Variants in NEURL4 observed in about 807,000 individuals in gnomAD.
NEURL4 encodes the protein neuralized E3 ubiquitin protein ligase 4.
Under a neutral mutation model 148.0 loss-of-function variants are expected in NEURL4, and 45 were observed. The ratio of observed to expected loss-of-function variants is 0.30; its 90% CI spans 0.24 to 0.39. The LOEUF is 0.39. Among genes scored for constraint, NEURL4 ranks in the 10% least tolerant of loss-of-function variants. The probability of loss-of-function intolerance (pLI) is 1.00; values close to 1 mark genes in which losing one functional copy is unlikely to be tolerated. For missense variants in NEURL4, 1,776 were observed against 2,144.0 expected (o/e 0.83, Z 3.39); for synonymous variants, 854 against 869.0 (o/e 0.98, Z 0.30).
Position 7,326,818 on chromosome 17 carries a change from T to C in NEURL4, c.985A>G (p.Lys329Glu). 1 of 1,613,334 alleles carries C rather than the reference T, an allele frequency of 6.2e-7. No homozygotes were observed. The highest frequency in any genetic ancestry group is 8.5e-7 in the Non-Finnish European group (1 of 1,179,834). Residue 329 changes from lysine (K) to glutamate (E), a missense_variant, in exon 4 of 29, where the codon AAA becomes GAA. Coordinates refer to ENST00000399464, the MANE Select transcript of NEURL4 (RefSeq NM_032442.3). This position sits in a 1 kb window ranked among gnomAD's most constrained non-coding sequence, Gnocchi z 6.0. ...LFHEKCGTLI[K>E]LSNNNKTAER... ...GCCGTCTTATTATTGTTGCTGAGTTTGATGAGGGTCCCGCACTTTTCATGA... is the reference window on the plus strand; with the variant it reads ...GCCGTCTTATTATTGTTGCTGAGTTCGATGAGGGTCCCGCACTTTTCATGA...
In NEURL4 at chr17:7,323,955, G is replaced by A; in HGVS notation, c.2120C>T (p.Ser707Phe). Residue 707 changes from serine to phenylalanine, a missense_variant, in exon 12 of 29, where the codon TCT becomes TTT. Physicochemically the swap from Ser to Phe is radical, Grantham distance 155. Coordinates refer to ENST00000399464, the MANE Select transcript of NEURL4 (RefSeq NM_032442.3). Reference sequence around the variant, plus strand: ...AGAGCCCCCGGCCCCTGAGGACGGAGAGCTTGGAGACACCTGGTTGTTCCC... The same window carrying A: ...AGAGCCCCCGGCCCCTGAGGACGGAAAGCTTGGAGACACCTGGTTGTTCCC... The part of the protein sequence containing the change: ...PEGNNQVSPS[S>F]PSSGAGGSDL... 1.2e-6 allele frequency: 2 copies of A among 1,612,810 alleles called. No individual in the cohort carries two copies. Among genetic ancestry groups the A allele is most frequent in the South Asian group, 1.1e-5 (1 of 91,090 alleles).
chr17:7,328,954 T>C (rs2073137862), intron 1 of NEURL4, 77 bp downstream of exon 1: 3 of 1,373,802 alleles, frequency 2.2e-6, no homozygotes, highest in Non-Finnish European at 2.9e-6. Context: ...TGGGCTACCC[T>C]GGCTGTCCTA....
At chr17:7,323,241 G>A in intron 14 of NEURL4, 118 bp from the exon 15 acceptor site, 2 of 1,136,994 alleles carry the variant, frequency 1.8e-6, no homozygotes, top group Non-Finnish European at 2.5e-6. Context: ...TGATCTGGGT[G>A]TAAGGCCCAA....
rs1197640968 is a variant in NEURL4 at position 7,321,429 on chromosome 17, C to T, written c.3130G>A (p.Ala1044Thr). ...VGSRVGVRRGADDTMHILVDG... is the reference protein window; with the variant it reads ...VGSRVGVRRGTDDTMHILVDG... ...ACCAGGATGTGCATCGTGTCATCTG[C>T]CCCCCGACGAACACCCACACGGCTC... The change falls in exon 19 of 29, where the codon GCA (alanine) becomes ACA (threonine). Residue 1044 changes from alanine (A) to threonine (T), a missense_variant. Ala to Thr is a moderately conservative substitution (Grantham distance 58, BLOSUM62 0). Coordinates refer to ENST00000399464, the MANE Select transcript of NEURL4 (RefSeq NM_032442.3). The surrounding 1 kb of genome is among the most constrained non-coding windows in gnomAD (Gnocchi z 6.3). 3 of 1,613,924 alleles carry T rather than the reference C, an allele frequency of 1.9e-6. No individual in the cohort carries two copies. Among genetic ancestry groups the T allele is most frequent in the African/African-American group, 1.3e-5 (1 of 74,882 alleles).
intron 25 of NEURL4, 34 bp from the exon 26 acceptor site, chr17:7,317,966 G>A (rs772739856): frequency 6.2e-7 from 1 of 1,613,746 alleles, no homozygotes; most frequent in Non-Finnish European, 8.5e-7. Flanking sequence ...TTGGTGCTGT[G>A]GCTCCCACCT....
In NEURL4 at chr17:7,316,162, C is replaced by T. The variant is rs377341598; in HGVS notation, c.4650G>A (p.Gly1550=). The change falls in exon 29 of 29, where the codon GGG becomes GGA. Residue 1550 remains glycine (G), a synonymous_variant. Transcript: ENST00000399464. The part of the protein sequence containing the change: ...AELEWVTKEK[G]ATLLCALLVR... ...CCAGCAGGGCACAGAGGAGTGTGGC[C>T]CCCTTCTCCTTAGTGACCCACTCAA... 3.8e-6 allele frequency: 6 copies of T among 1,589,076 alleles called. No homozygotes were observed. The African/African-American group carries it at 6.7e-5, about 18-fold the overall frequency.
At position 7,318,282 on chromosome 17, in the gene NEURL4, T is replaced by G. The variant is rs757814423; in HGVS notation, c.3939A>C (p.Ala1313=). 2.5e-5 allele frequency: 41 copies of G among 1,614,016 alleles called. No homozygotes were observed. Among genetic ancestry groups the G allele is most frequent in the Admixed American group, 1.2e-4 (7 of 59,994 alleles). Residue 1313 remains alanine, a synonymous_variant, in exon 24 of 29, where the codon GCA becomes GCC. Coordinates refer to ENST00000399464, the MANE Select transcript of NEURL4 (RefSeq NM_032442.3). This position sits in a 1 kb window ranked among gnomAD's most constrained non-coding sequence, Gnocchi z 4.3. ...GGGCTGGCACACCGTCCACCATGTC[T>G]GCTTTCTCCATGTCCCCTTGGGTTC... The part of the protein sequence containing the change: ...SAGTQGDMEK[A]DMVDGIKESV...
Position 7,323,122 on chromosome 17 carries a change from C to T in NEURL4, c.2419G>A (p.Gly807Ser). The change falls in exon 15 of 29, where the codon GGT (glycine) becomes AGT (serine). Residue 807 changes from glycine to serine, a missense_variant and splice_region_variant. Transcript: ENST00000399464. ...TTACCGTCTTGCATGATGGCTGTAC[C>T]ACTGGGGGGATGGCAGAAGGGGTGA... is the stretch of plus-strand genomic sequence containing the variant. ...DIDYDTWMLS[G>S]TAIMQDGNTM... The T allele has an allele frequency of 6.2e-7, 1 of 1,609,558 alleles. No homozygotes were observed. Among genetic ancestry groups the T allele is most frequent in the Non-Finnish European group, 8.5e-7 (1 of 1,176,730 alleles).
intron 21 of NEURL4, among the ~76,000 whole-genome samples, chr17:7,319,643 T>C (rs2143011829): frequency 6.9e-6 from 1 of 145,502 alleles, no homozygotes; most frequent in East Asian, 2.2e-4. Context: ...GAGGTTGCGG[T>C]GAGCCGAGAT....
chr17:7,320,876 C>A lies in NEURL4; in HGVS notation c.3408G>T (p.Glu1136Asp). The A allele has an allele frequency of 6.2e-7, 1 of 1,614,076 alleles. No homozygotes were observed. The highest frequency in any genetic ancestry group is 1.1e-5 in the South Asian group (1 of 91,060). The change falls in exon 21 of 29, where the codon GAG (glutamate) becomes GAT (aspartate). Residue 1136 changes from glutamate (E) to aspartate (D), a missense_variant. Glu to Asp is a conservative substitution (Grantham distance 45). Coordinates refer to ENST00000399464, the MANE Select transcript of NEURL4 (RefSeq NM_032442.3). ...ACAAAAGGATATTCTTCCCATGGTTCTCCAGGAACTCGAGGGTGGTGGGTA... is the reference window on the plus strand; with the variant it reads ...ACAAAAGGATATTCTTCCCATGGTTATCCAGGAACTCGAGGGTGGTGGGTA... Reference protein sequence around the residue: ...GIIPTTLEFLENHGKNILLSN... With the variant: ...GIIPTTLEFLDNHGKNILLSN...
At chr17:7,319,261 TCC>T (rs1328483950) in intron 21 of NEURL4, 53 bp from the exon 22 acceptor site, 1 of 1,510,002 alleles carries the variant, frequency 6.6e-7, no homozygotes, top group African/African-American at 1.4e-5. Context: ...AGAACCAGGC[TCC>T]GCACCCCAGC....
At chr17:7,319,313 A>T in intron 21 of NEURL4, 105 bp from the exon 22 acceptor site, 2 of 800,166 alleles carry the variant, frequency 2.5e-6, no homozygotes, top group African/African-American at 1.9e-5. Flanking sequence ...GTGGCCTGGG[A>T]TGCTGCCTTT....
rs1172015572 is a variant in NEURL4 at position 7,324,955 on chromosome 17, C to T, written c.1657G>A (p.Val553Met). The part of the protein sequence containing the change: ...PHATDDFNHG[V>M]VLSSRALRDG... ...CGCAGGGCTCTGCTGCTCAGCACCA[C>T]GCCGTGATTGAAGTCATCGGTGGCA... The change falls in exon 9 of 29, where the codon GTG becomes ATG. Residue 553 changes from valine (V) to methionine (M), a missense_variant. Coordinates refer to ENST00000399464, the MANE Select transcript of NEURL4 (RefSeq NM_032442.3). The surrounding 1 kb of genome is among the most constrained non-coding windows in gnomAD (Gnocchi z 5.9). 5 of 1,614,024 alleles carry T rather than the reference C, an allele frequency of 3.1e-6. No individual in the cohort carries two copies. The highest frequency in any genetic ancestry group is 1.7e-5 in the Admixed American group (1 of 60,000).
At position 7,324,044 on chromosome 17, in the gene NEURL4, T is replaced by C. The variant is rs779431819; in HGVS notation, c.2063-32A>G. ...AAGTGGACATCACCCATCAGGTCTCTAGGTGTCTCTCAGACCTCCCAAGGC... is the reference window on the plus strand; with the variant it reads ...AAGTGGACATCACCCATCAGGTCTCCAGGTGTCTCTCAGACCTCCCAAGGC... On this transcript the variant is annotated intron_variant, in intron 11 of 28. Transcript: ENST00000399464. This position sits in a 1 kb window ranked among gnomAD's most constrained non-coding sequence, Gnocchi z 5.9. 4.4e-6 allele frequency: 7 copies of C among 1,608,554 alleles called. No homozygotes were observed. Among genetic ancestry groups the C allele is most frequent in the Non-Finnish European group, 5.9e-6 (7 of 1,179,534 alleles).
intron 21 of NEURL4, among the ~76,000 whole-genome samples, 166 bp from the exon 22 acceptor site, chr17:7,319,374 CTTTTTTTTT>C (rs374281551): frequency 1.5e-3 from 173 of 113,928 alleles, no homozygotes; most frequent in Non-Finnish European, 2.3e-3. Context: ...TTCTTTCCCT[CTTTTTTTTT>C]TTTTTTTTTT....
Position 7,325,737 on chromosome 17 carries a change from T to C in NEURL4, c.1294-24A>G, listed in dbSNP as rs933244659. On this transcript the variant is annotated intron_variant, in intron 6 of 28. Coordinates refer to ENST00000399464, the MANE Select transcript of NEURL4 (RefSeq NM_032442.3). ...TCCTAATCAAAGAAGACAAACAGTT[T>C]AGAGGAGTCCTGAGGCCTGCTCAGC... 9 of 1,603,704 alleles carry C rather than the reference T, an allele frequency of 5.6e-6. No homozygotes were observed. The Admixed American group carries it at 8.3e-5, about 15-fold the overall frequency.
rs1405367999 is a variant in NEURL4, at chr17:7,318,297, C to G, written c.3924G>C (p.Gly1308=). Residue 1308 remains glycine, a synonymous_variant, in exon 24 of 29, where the codon GGG becomes GGC. Coordinates refer to ENST00000399464, the MANE Select transcript of NEURL4 (RefSeq NM_032442.3). This position sits in a 1 kb window ranked among gnomAD's most constrained non-coding sequence, Gnocchi z 4.3. ...AASGKSAGTQ[G]DMEKADMVDG... ...CCACCATGTCTGCTTTCTCCATGTC[C>G]CCTTGGGTTCCAGCACTTTTCCCAC... 6.2e-7 allele frequency: 1 copy of G among 1,614,132 alleles called. No individual in the cohort carries two copies. The highest frequency in any genetic ancestry group is 1.1e-5 in the South Asian group (1 of 91,086).
At chr17:7,325,843 G>T in intron 6 of NEURL4, 130 bp from the exon 7 acceptor site, 1 of 754,026 alleles carries the variant, frequency 1.3e-6, no homozygotes, top group South Asian at 1.5e-5. Context: ...CTGGGTCCTT[G>T]TTTTCCAGAC....
Position 7,316,324 on chromosome 17 carries a change from G to C in NEURL4, c.4488C>G (p.Phe1496Leu). The change falls in exon 29 of 29, where the codon TTC (phenylalanine) becomes TTG (leucine). Residue 1496 changes from phenylalanine to leucine, a missense_variant. Coordinates refer to ENST00000399464, the MANE Select transcript of NEURL4 (RefSeq NM_032442.3). Reference sequence around the variant, plus strand: ...GCGTCCGCTGGGATTTGGGGTCCCGGAATCTGTCAGACAAGAAAAAATAAG... The same window carrying C: ...GCGTCCGCTGGGATTTGGGGTCCCGCAATCTGTCAGACAAGAAAAAATAAG... Reference protein sequence around the residue: ...GAETLASKVQFRDPKSQRTHQ... With the variant: ...GAETLASKVQLRDPKSQRTHQ... 1 of 1,611,502 alleles carries C rather than the reference G, an allele frequency of 6.2e-7. No individual in the cohort carries two copies.
Sources: gnomAD v4.1 joint callset for allele counts (sites outside exome capture counted in the v4.1 genomes callset) on GRCh38, gnomAD v4.1.1 for gene constraint, Gnocchi (gnomAD v3.1) non-coding constraint, MANE v1.5 for transcripts, NCBI Gene and HGNC (gene_info 2026-07-23, HGNC 2026-07-21) for gene names.